DPP10: variants seen among roughly 807,000 people sequenced by gnomAD.
DPP10 encodes inactive dipeptidyl peptidase 10.
In DPP10, 33 loss-of-function variants were observed where a neutral mutation model predicts 120.9. The ratio of observed to expected loss-of-function variants is 0.27; its 90% CI spans 0.21 to 0.37. The LOEUF is 0.37. Ranked by LOEUF, DPP10 falls within the 10% of genes least tolerant of loss-of-function variation. The pLI is 1.00. For synonymous variants in DPP10, 337 were observed against 326.1 expected (o/e 1.03, Z -0.36); for missense variants, 816 against 942.8 (o/e 0.87, Z 1.76).
intron 1 of DPP10, among the ~76,000 whole-genome samples, chr2:115,173,609 A>G (rs929600641): frequency 1.9e-4 from 29 of 152,190 alleles, no homozygotes; most frequent in African/African-American, 6.5e-4. Context: ...TCTAATGGGT[A>G]TGCTTTAGGT....
intron 1 of DPP10, among the ~76,000 whole-genome samples, chr2:114,592,510 A>G (rs992652162): frequency 3.3e-5 from 5 of 152,180 alleles, no homozygotes; most frequent in Non-Finnish European, 7.3e-5. Context: ...TAATAGAGCT[A>G]TGTTTCCCAG....
At chr2:114,445,725 T>C (rs1001347640) in intron 1 of DPP10, among the ~76,000 whole-genome samples, 1 of 152,084 alleles carries the variant, frequency 6.6e-6, no homozygotes, top group Non-Finnish European at 1.5e-5. Flanking sequence ...AACAAGATGA[T>C]CAAGAGTATT....
At chr2:114,743,319 A>G (rs1398828012) in intron 1 of DPP10, among the ~76,000 whole-genome samples, 1 of 152,126 alleles carries the variant, frequency 6.6e-6, no homozygotes, top group Non-Finnish European at 1.5e-5. Flanking sequence ...AGGCAATATC[A>G]TGTTGTGAGT....
At chr2:114,543,671 C>CA (rs1687133093) in intron 1 of DPP10, among the ~76,000 whole-genome samples, 1 of 152,154 alleles carries the variant, frequency 6.6e-6, no homozygotes, top group Non-Finnish European at 1.5e-5. Context: ...AGTCATTAAG[C>CA]AAGCAAACTC....
At chr2:115,408,111 G>A (rs1040006989) in intron 3 of DPP10, among the ~76,000 whole-genome samples, 18 of 152,136 alleles carry the variant, frequency 1.2e-4, no homozygotes, top group Non-Finnish European at 2.5e-4. Flanking sequence ...TGCCATCCAT[G>A]GGTGTTAAAG....
At chr2:114,796,331 T>C (rs2106259905) in intron 1 of DPP10, among the ~76,000 whole-genome samples, 1 of 152,328 alleles carries the variant, frequency 6.6e-6, no homozygotes, top group African/African-American at 2.4e-5. Context: ...TGCCACCATT[T>C]CAGACAGACA....
At position 115,603,570 on chromosome 2, in the gene DPP10, G is replaced by GTTTTTTTTTTTTTT. The variant is rs61548055; in HGVS notation, c.441+77599_441+77612dup. Among the ~76,000 whole-genome samples the GTTTTTTTTTTTTTT allele has an allele frequency of 1.6e-4, 16 of 99,276 alleles. 1 individual carries two copies. The highest frequency in any genetic ancestry group is 7.3e-4 in the South Asian group (2 of 2,754). The allele number at this position is 99,276 out of a possible 152,430, so 65.1% of individuals were successfully genotyped here. ...GTTTTCGTTGTTGTTGTTTTTTTTT[G>GTTTTTTTTTTTTTT]TTTTTTTTTTTTTTGGATTTCTTGA... On this transcript the variant is annotated intron_variant, in intron 5 of 25. Coordinates refer to ENST00000410059, the MANE Select transcript of DPP10 (RefSeq NM_020868.6).
At chr2:114,795,741 G>A (rs1298234401) in intron 1 of DPP10, among the ~76,000 whole-genome samples, 2 of 152,072 alleles carry the variant, frequency 1.3e-5, no homozygotes, top group African/African-American at 4.8e-5. Context: ...CAAAAAATAG[G>A]AAGAAGTTAG....
chr2:115,334,124 A>G (rs12474790), intron 2 of DPP10, among the ~76,000 whole-genome samples: 37,363 of 151,048 alleles, frequency 0.25, 4,839 homozygotes, highest in East Asian at 0.35. Flanking sequence ...CTAACATTCA[A>G]ATTCAGGAAA....
At chr2:115,211,077 A>G (rs2056479222) in intron 1 of DPP10, among the ~76,000 whole-genome samples, 1 of 152,144 alleles carries the variant, frequency 6.6e-6, no homozygotes, top group Admixed American at 6.6e-5. Context: ...TTTTTGTATT[A>G]TATTTTAAAG....
intron 24 of DPP10, among the ~76,000 whole-genome samples, chr2:115,837,506 T>A (rs1363686426): frequency 6.6e-6 from 1 of 152,188 alleles, no homozygotes; most frequent in African/African-American, 2.4e-5. Flanking sequence ...AAGTCTTGAA[T>A]CAATATTTCC....
intron 1 of DPP10, among the ~76,000 whole-genome samples, chr2:114,744,951 G>A (rs12711804): frequency 0.01 from 1,556 of 152,132 alleles, 19 homozygotes; most frequent in African/African-American, 0.036. Flanking sequence ...TAGTAGAGAC[G>A]GGGTTTCACC....
chr2:114,749,871 T>G (rs181126329), intron 1 of DPP10, among the ~76,000 whole-genome samples: 14 of 152,276 alleles, frequency 9.2e-5, no homozygotes, highest in Admixed American at 2.6e-4. Context: ...TTGTCCTAGA[T>G]CCTCCACATA....
intron 1 of DPP10, among the ~76,000 whole-genome samples, chr2:114,996,554 G>C (rs1036579903): frequency 6.6e-6 from 1 of 151,806 alleles, no homozygotes; most frequent in Admixed American, 6.6e-5. Context: ...CTTTTTTACT[G>C]GCTTTATAGT....
At chr2:114,511,159 A>G (rs530045039) in intron 1 of DPP10, among the ~76,000 whole-genome samples, 32 of 152,370 alleles carry the variant, frequency 2.1e-4, no homozygotes, top group African/African-American at 7.2e-4. Context: ...GTATAGATAA[A>G]TAGGTATAAA....
At chr2:115,682,744 C>T (rs1419331645) in intron 5 of DPP10, among the ~76,000 whole-genome samples, 5 of 151,788 alleles carry the variant, frequency 3.3e-5, no homozygotes, top group African/African-American at 1.2e-4. Flanking sequence ...AGTCATCAGC[C>T]ATCCATTGTC....
chr2:115,798,405 C>A (rs1194805406), intron 19 of DPP10, among the ~76,000 whole-genome samples: 1 of 151,956 alleles, frequency 6.6e-6, no homozygotes, highest in African/African-American at 2.4e-5. Flanking sequence ...TCTTGGTAAT[C>A]CCACACATCT....
At chr2:115,077,246 G>A (rs1039453253) in intron 1 of DPP10, among the ~76,000 whole-genome samples, 1 of 152,044 alleles carries the variant, frequency 6.6e-6, no homozygotes, top group Non-Finnish European at 1.5e-5. Flanking sequence ...TCTTTAATCT[G>A]TCTTATTCAT....
intron 1 of DPP10, among the ~76,000 whole-genome samples, chr2:114,503,091 C>T (rs1301699191): frequency 6.6e-6 from 1 of 152,206 alleles, no homozygotes; most frequent in Non-Finnish European, 1.5e-5. Context: ...GACTGCTCTT[C>T]TGTTCAAGAT....
Sources: allele counts gnomAD v4.1 joint callset (sites outside exome capture counted in the v4.1 genomes callset), GRCh38; gene constraint gnomAD v4.1.1; transcripts MANE v1.5; gene names NCBI Gene and HGNC (gene_info 2026-07-23, HGNC 2026-07-21).